The following ADK variants were observed in gnomAD, a reference collection of about 807,000 sequenced individuals.
ADK encodes the protein N6,N6-dimethyladenosine kinase.
Under a neutral mutation model 44.7 loss-of-function variants are expected in ADK, and 24 were observed. The observed-to-expected ratio is 0.54, with a 90% CI of 0.39 to 0.76. The LOEUF (loss-of-function observed/expected upper bound fraction) is 0.76, where lower values mean the gene tolerates loss of function less well. ADK is among the 30% of genes least tolerant of loss of function. The pLI is 0.00. For missense variants in ADK, 321 were observed against 425.1 expected (o/e 0.76, Z 2.15); for synonymous variants, 128 against 142.6 (o/e 0.90, Z 0.73).
At chr10:74,308,871 C>G (rs1330421260) in intron 3 of ADK, among the ~76,000 whole-genome samples, 1 of 152,158 alleles carries the variant, frequency 6.6e-6, no homozygotes, top group Non-Finnish European at 1.5e-5. Context: ...CTCTCTCTCT[C>G]TCTCCTTCCC....
At chr10:74,161,596 G>A (rs1444301508) in intron 1 of ADK, among the ~76,000 whole-genome samples, 2 of 151,832 alleles carry the variant, frequency 1.3e-5, no homozygotes, top group East Asian at 3.9e-4. Context: ...GCCTATGCCT[G>A]TCTTGAACTC....
intron 7 of ADK, among the ~76,000 whole-genome samples, chr10:74,530,796 G>C (rs375255500): frequency 6.6e-6 from 1 of 152,062 alleles, no homozygotes; most frequent in African/African-American, 2.4e-5. Context: ...GGGTGGTTGT[G>C]CGCCTGTAAT....
At chr10:74,484,544 C>CCATA (rs1321637885) in intron 6 of ADK, among the ~76,000 whole-genome samples, 1 of 152,128 alleles carries the variant, frequency 6.6e-6, no homozygotes, top group Non-Finnish European at 1.5e-5. Flanking sequence ...CTACAGTGAG[C>CCATA]CATAGAATCA....
At chr10:74,192,708 G>A (rs917393113) in intron 1 of ADK, among the ~76,000 whole-genome samples, 2 of 151,712 alleles carry the variant, frequency 1.3e-5, no homozygotes, top group Non-Finnish European at 2.9e-5. Flanking sequence ...TTTAATTTTT[G>A]TAGAGATGAG....
Position 74,650,283 on chromosome 10 carries a change from C to T in ADK, c.878-19900C>T, listed in dbSNP as rs141367410. On this transcript the variant is annotated intron_variant, in intron 9 of 10. Transcript: ENST00000539909. ...AAAAATACAAAAATTAGCCGGGTGT[C>T]ATGGCCGGCGTTTGTGGTCCCAGCT... 8.1e-3 allele frequency among the ~76,000 whole-genome samples: 1,233 copies of T among 151,998 alleles called. 20 individuals are homozygous for T. Among genetic ancestry groups the T allele is most frequent in the African/African-American group, 0.028 (1,151 of 41,442 alleles).
At chr10:74,696,544 G>A (rs1462282287) in intron 10 of ADK, among the ~76,000 whole-genome samples, 1 of 147,678 alleles carries the variant, frequency 6.8e-6, no homozygotes, top group South Asian at 2.1e-4. Context: ...TTTTTTTTTT[G>A]TATTTTTAGT....
At chr10:74,619,186 G>A (rs996007927) in intron 9 of ADK, among the ~76,000 whole-genome samples, 4 of 152,126 alleles carry the variant, frequency 2.6e-5, no homozygotes, top group African/African-American at 9.7e-5. Flanking sequence ...TGGGTCCAGT[G>A]GCTCATGCCT....
chr10:74,618,880 A>C (rs1391982742), intron 9 of ADK, among the ~76,000 whole-genome samples: 29 of 152,062 alleles, frequency 1.9e-4, no homozygotes, highest in Admixed American at 1.8e-3. Context: ...TGAATCTGTG[A>C]TTGATGACTT....
intron 6 of ADK, among the ~76,000 whole-genome samples, chr10:74,448,129 C>T (rs940176478): frequency 2.6e-5 from 4 of 152,026 alleles, no homozygotes; most frequent in Admixed American, 1.3e-4. Context: ...GTCGAGATCA[C>T]GCCACTGCAC....
chr10:74,347,640 A>G (rs1841823175), intron 4 of ADK, among the ~76,000 whole-genome samples: 1 of 152,086 alleles, frequency 6.6e-6, no homozygotes, highest in Admixed American at 6.5e-5. Flanking sequence ...TCCCACTCCC[A>G]CGGAGCCCAG....
chr10:74,640,520 T>G (rs58126993), intron 9 of ADK, among the ~76,000 whole-genome samples: 5,188 of 152,298 alleles, frequency 0.034, 320 homozygotes, highest in African/African-American at 0.12. Context: ...CTGGGCCTTA[T>G]TTTGTTCAAC....
intron 4 of ADK, among the ~76,000 whole-genome samples, chr10:74,319,498 C>T (rs35503260): frequency 0.48 from 73,498 of 151,960 alleles, 20,211 homozygotes; most frequent in Non-Finnish European, 0.62. Context: ...TAAGGCCTAC[C>T]TTACTGCCCT....
chr10:74,573,416 G>A (rs1326723484), intron 7 of ADK, among the ~76,000 whole-genome samples: 2 of 152,204 alleles, frequency 1.3e-5, no homozygotes, highest in Non-Finnish European at 2.9e-5. Flanking sequence ...TGCCCCTACT[G>A]GGGGATGCCT....
chr10:74,437,407 C>G (rs2133115811), intron 6 of ADK, among the ~76,000 whole-genome samples: 1 of 152,258 alleles, frequency 6.6e-6, no homozygotes, highest in African/African-American at 2.4e-5. Flanking sequence ...TGCAAATAGA[C>G]TTCTTAATAT....
intron 6 of ADK, among the ~76,000 whole-genome samples, chr10:74,412,543 C>T (rs1164973509): frequency 1.3e-5 from 2 of 152,070 alleles, no homozygotes; most frequent in Non-Finnish European, 2.9e-5. Context: ...CAGCTATAGC[C>T]TTATGAAATA....
chr10:74,536,378 A>G (rs1849448533), intron 7 of ADK, among the ~76,000 whole-genome samples: 1 of 152,066 alleles, frequency 6.6e-6, no homozygotes, highest in Non-Finnish European at 1.5e-5. Context: ...ACGTGCTGGG[A>G]CAAAAAGTGA....
intron 6 of ADK, among the ~76,000 whole-genome samples, chr10:74,439,718 A>C (rs1845328728): frequency 6.6e-6 from 1 of 152,130 alleles, no homozygotes; most frequent in African/African-American, 2.4e-5. Context: ...ATATACGATA[A>C]ATCAAGCAAA....
At chr10:74,294,891 C>T (rs967485410) in intron 3 of ADK, among the ~76,000 whole-genome samples, 3 of 151,406 alleles carry the variant, frequency 2.0e-5, no homozygotes, top group East Asian at 2.0e-4. Flanking sequence ...GGTCTTGCTC[C>T]GTTGCTCAGG....
intron 6 of ADK, among the ~76,000 whole-genome samples, chr10:74,497,496 T>A (rs1847733618): frequency 6.6e-6 from 1 of 152,210 alleles, no homozygotes; most frequent in Non-Finnish European, 1.5e-5. Context: ...ATAAGCAGAC[T>A]CATTCATTCA....
Sources: allele counts gnomAD v4.1 joint callset (sites outside exome capture counted in the v4.1 genomes callset), GRCh38; gene constraint gnomAD v4.1.1; transcripts MANE v1.5; gene names NCBI Gene and HGNC (gene_info 2026-07-23, HGNC 2026-07-21).